Variants in TRPC6 observed in about 807,000 individuals in gnomAD.
TRPC6 encodes short transient receptor potential channel 6.
A neutral mutation model predicts 90.7 loss-of-function variants in TRPC6; 55 were observed. The ratio of observed to expected loss-of-function variants is 0.61; its 90% CI spans 0.49 to 0.76. The LOEUF is 0.76. TRPC6 is among the 30% of genes least tolerant of loss of function. The pLI, the probability that TRPC6 is intolerant of heterozygous loss-of-function variation, is 0.00. For missense variants in TRPC6, 989 were observed against 1,122.7 expected, an observed-to-expected ratio of 0.88 and a Z score of 1.70; for synonymous variants, 393 against 393.0, an observed-to-expected ratio of 1.00 and a Z score of 0.00.
chr11:101,564,175 T>C (rs1206413021), intron 1 of TRPC6, among the ~76,000 whole-genome samples: 1 of 152,226 alleles, frequency 6.6e-6, no homozygotes, highest in East Asian at 1.9e-4. Context: ...TTCAATACAA[T>C]TTTAAATTTT....
intron 6 of TRPC6, among the ~76,000 whole-genome samples, chr11:101,474,958 G>T (rs1360094873): frequency 1.3e-5 from 2 of 152,158 alleles, no homozygotes; most frequent in African/African-American, 2.4e-5. Flanking sequence ...CTCCATGGAA[G>T]ATCTCACTTG....
At chr11:101,555,792 T>C (rs12278493) in intron 1 of TRPC6, among the ~76,000 whole-genome samples, 3,442 of 152,224 alleles carry the variant, frequency 0.023, 151 homozygotes, top group African/African-American at 0.078. Flanking sequence ...ATAAATAAAA[T>C]TTATTTACAA....
intron 10 of TRPC6, among the ~76,000 whole-genome samples, chr11:101,457,618 T>C (rs1011650625): frequency 3.9e-5 from 6 of 152,178 alleles, no homozygotes; most frequent in Non-Finnish European, 5.9e-5. Flanking sequence ...GAAGCTGTGT[T>C]ATACAGTGCT....
intron 10 of TRPC6, among the ~76,000 whole-genome samples, chr11:101,459,879 C>T (rs1251853710): frequency 2.6e-5 from 4 of 152,096 alleles, no homozygotes; most frequent in Non-Finnish European, 4.4e-5. Flanking sequence ...ATTACATTTG[C>T]GTAGTGTTTA....
rs558646855 is a variant in TRPC6 at position 101,551,337 on chromosome 11, G to A, written c.170+31997C>T. On this transcript the variant is annotated intron_variant, in intron 1 of 12. Coordinates refer to ENST00000344327, the MANE Select transcript of TRPC6 (RefSeq NM_004621.6). ...TATTAAAGAATAAACAGTATTGATG[G>A]CCAATCTGGAGTGACAATCTTAGTA... Among the ~76,000 whole-genome samples, 32 of 152,028 alleles carry A rather than the reference G, an allele frequency of 2.1e-4. No individual in the cohort carries two copies. The East Asian group carries it at 6.0e-3, about 28-fold the overall frequency.
Position 101,467,188 on chromosome 11 carries a change from C to T in TRPC6, c.2484+2239G>A, listed in dbSNP as rs531468979. On this transcript the variant is annotated intron_variant, in intron 10 of 12. Coordinates refer to ENST00000344327, the MANE Select transcript of TRPC6 (RefSeq NM_004621.6). Reference sequence around the variant, plus strand: ...AGCAATCCTGTTTTTGTTTCTTCCACTCACTACTTCATTTATTTCAAGTTA... The same window carrying T: ...AGCAATCCTGTTTTTGTTTCTTCCATTCACTACTTCATTTATTTCAAGTTA... Among the ~76,000 whole-genome samples, 12 of 152,320 alleles carry T rather than the reference C, an allele frequency of 7.9e-5. No homozygotes were observed. The East Asian group carries it at 2.3e-3, about 29-fold the overall frequency.
At chr11:101,481,172 G>A (rs1396960361) in intron 5 of TRPC6, among the ~76,000 whole-genome samples, 1 of 152,166 alleles carries the variant, frequency 6.6e-6, no homozygotes. Flanking sequence ...AAGAAGACAT[G>A]TCCTGCCTTA....
intron 1 of TRPC6, among the ~76,000 whole-genome samples, chr11:101,562,192 G>C (rs1861729813): frequency 6.6e-6 from 1 of 151,970 alleles, no homozygotes; most frequent in Admixed American, 6.6e-5. Context: ...GTCATAAAAT[G>C]GAAGAGAAAG....
chr11:101,528,247 A>G (rs1446171065), intron 1 of TRPC6, among the ~76,000 whole-genome samples: 1 of 152,194 alleles, frequency 6.6e-6, no homozygotes, highest in Non-Finnish European at 1.5e-5. Flanking sequence ...TTATCTAATC[A>G]TTAGAACTTA....
intron 1 of TRPC6, among the ~76,000 whole-genome samples, chr11:101,550,503 T>C (rs960323068): frequency 6.9e-4 from 104 of 151,684 alleles, no homozygotes; most frequent in African/African-American, 2.2e-3. Context: ...TTTGTTCAAC[T>C]GATAATAATA....
Position 101,488,908 on chromosome 11 carries a change from T to C in TRPC6, c.1293+29A>G, listed in dbSNP as rs753182761. ...CCACTTAAAACATATTTCTAGTAGA[T>C]AATAGAGGTCCAGGCTTCACATACA... On this transcript the variant is annotated intron_variant, in intron 4 of 12. Coordinates refer to ENST00000344327, the MANE Select transcript of TRPC6 (RefSeq NM_004621.6). The C allele has an allele frequency of 5.6e-6, 9 of 1,613,442 alleles. No homozygotes were observed. In the East Asian group the frequency reaches 2.0e-4, roughly 36 times the overall value.
In TRPC6 at chr11:101,471,390, T is replaced by C. The variant is rs1277766328; in HGVS notation, c.2206-4A>G. On this transcript the variant is annotated splice_polypyrimidine_tract_variant and splice_region_variant and intron_variant, in intron 8 of 12. Transcript: ENST00000344327. ...TCCACTCCACATCAGCGTCATCCTA[T>C]ACAAATACACATGACAGTTCAGCAA... 1.2e-6 allele frequency: 2 copies of C among 1,613,644 alleles called. No homozygotes were observed. Among genetic ancestry groups the C allele is most frequent in the Non-Finnish European group, 1.7e-6 (2 of 1,179,718 alleles).
At chr11:101,548,332 T>TATAATATA (rs1324565095) in intron 1 of TRPC6, among the ~76,000 whole-genome samples, 4 of 111,468 alleles carry the variant, frequency 3.6e-5, no homozygotes, top group East Asian at 3.8e-4. Flanking sequence ...TATATATAAT[T>TATAATATA]GAAATACAAT....
intron 10 of TRPC6, among the ~76,000 whole-genome samples, chr11:101,464,218 TG>T (rs775159650): frequency 1.3e-5 from 2 of 152,194 alleles, no homozygotes; most frequent in Admixed American, 6.5e-5. Context: ...TCCAATTACG[TG>T]GTCAGTTTTA....
intron 1 of TRPC6, 136 bp downstream of exon 1, chr11:101,583,198 C>A: frequency 7.2e-7 from 1 of 1,392,374 alleles, no homozygotes; most frequent in South Asian, 1.6e-5. Context: ...CTGGCTCTCG[C>A]GGACCTCCCA....
At chr11:101,525,608 G>A (rs1244010859) in intron 1 of TRPC6, among the ~76,000 whole-genome samples, 1 of 152,116 alleles carries the variant, frequency 6.6e-6, no homozygotes, top group African/African-American at 2.4e-5. Context: ...ATGAACAAAA[G>A]GCAGAAGTTA....
chr11:101,473,807 T>A (rs1293831573), intron 6 of TRPC6, 34 bp from the exon 7 acceptor site: 2 of 1,612,462 alleles, frequency 1.2e-6, no homozygotes, highest in Non-Finnish European at 8.5e-7. Context: ...GTTGTGTGAG[T>A]TTCTTCAAGT....
chr11:101,548,457 GATAT>G (rs143790648), intron 1 of TRPC6, among the ~76,000 whole-genome samples: 131 of 123,472 alleles, frequency 1.1e-3, no homozygotes, highest in Middle Eastern at 3.9e-3. Flanking sequence ...TATATATACT[GATAT>G]ATATATATAT....
At chr11:101,462,720 A>G (rs183888150) in intron 10 of TRPC6, among the ~76,000 whole-genome samples, 150 of 152,230 alleles carry the variant, frequency 9.9e-4, no homozygotes, top group African/African-American at 3.4e-3. Context: ...TGAGATGATG[A>G]GGCTTTCTAA....
Sources: allele counts gnomAD v4.1 joint callset (sites outside exome capture counted in the v4.1 genomes callset), GRCh38; gene constraint gnomAD v4.1.1; transcripts MANE v1.5; gene names NCBI Gene and HGNC (gene_info 2026-07-23, HGNC 2026-07-21).